Variants in FAM107B observed in about 807,000 individuals in gnomAD.
FAM107B encodes the protein family with sequence similarity 107 member B.
In FAM107B, 21 loss-of-function variants were observed where a neutral mutation model predicts 31.5. That is an observed-to-expected ratio of 0.67 (90% CI 0.47 to 0.96). FAM107B has a LOEUF of 0.96. FAM107B is among the 40% of genes least tolerant of loss of function. The probability of loss-of-function intolerance (pLI) is 0.00; values close to 1 mark genes in which losing one functional copy is unlikely to be tolerated. For synonymous variants in FAM107B, 157 were observed against 141.5 expected (o/e 1.11, Z -0.78); for missense variants, 452 against 377.1 (o/e 1.20, Z -1.64).
intron 1 of FAM107B, among the ~76,000 whole-genome samples, chr10:14,766,319 C>G (rs530660358): frequency 2.0e-5 from 3 of 152,248 alleles, no homozygotes; most frequent in African/African-American, 7.2e-5. Context: ...ACAAGGAGAG[C>G]AAAGGAAAAG....
chr10:14,619,687 G>A (rs1405112844), intron 2 of FAM107B, among the ~76,000 whole-genome samples: 5 of 93,538 alleles, frequency 5.3e-5, no homozygotes, highest in African/African-American at 1.2e-4. Context: ...CTTCTTTTAC[G>A]ATTTGTGTTT....
chr10:14,671,884 ACAAAAAAAC>A lies in FAM107B; in HGVS notation c.412-4202_412-4194del, dbSNP rs1206045656. 9.7e-4 allele frequency among the ~76,000 whole-genome samples: 78 copies of A among 80,162 alleles called. 2 individuals carry two copies. Among genetic ancestry groups the A allele is most frequent in the African/African-American group, 3.7e-3 (70 of 19,080 alleles). The allele number at this position is 80,162 out of a possible 152,430, so 52.6% of individuals were successfully genotyped here. On this transcript the variant is annotated intron_variant, in intron 1 of 4. Transcript: ENST00000181796. The stretch of plus-strand genomic sequence containing the variant: ...ACTCCCTTTTATTTAAAAAAAAAAA[ACAAAAAAAC>A]AAAAAAAAAACCCTCTATTTCTTTT...
chr10:14,695,222 A>G (rs894158876), intron 1 of FAM107B, among the ~76,000 whole-genome samples: 2 of 152,134 alleles, frequency 1.3e-5, no homozygotes, highest in Non-Finnish European at 2.9e-5. Flanking sequence ...GCATGTGGAA[A>G]TCCAGTTTTT....
intron 2 of FAM107B, among the ~76,000 whole-genome samples, chr10:14,647,912 T>A (rs943954240): frequency 6.6e-6 from 1 of 151,890 alleles, no homozygotes; most frequent in East Asian, 1.9e-4. Context: ...CAAATATGTA[T>A]TGAGATGCTG....
At chr10:14,589,469 T>C (rs1373514652) in intron 2 of FAM107B, among the ~76,000 whole-genome samples, 7 of 152,214 alleles carry the variant, frequency 4.6e-5, no homozygotes, top group Admixed American at 3.9e-4. Context: ...TTTAAAAATA[T>C]AGATTTTAAG....
At position 14,599,126 on chromosome 10, in the gene FAM107B, G is replaced by A. The variant is rs548516728; in HGVS notation, c.469+68508C>T. 3.0e-4 allele frequency among the ~76,000 whole-genome samples: 46 copies of A among 152,316 alleles called. 1 individual carries two copies. The highest frequency in any genetic ancestry group is 1.0e-3 in the African/African-American group (42 of 41,568). ...CCTCTAACCTCATGCACCTAAACCT[G>A]CCATGGTCGGAAGAGCCAGTCTGCA... is the stretch of plus-strand genomic sequence containing the variant. On this transcript the variant is annotated intron_variant, in intron 2 of 4. Coordinates refer to ENST00000181796, the MANE Select transcript of FAM107B (RefSeq NM_031453.4).
chr10:14,664,056 T>A (rs1316329367), intron 2 of FAM107B, among the ~76,000 whole-genome samples: 1 of 152,190 alleles, frequency 6.6e-6, no homozygotes, highest in South Asian at 2.1e-4. Flanking sequence ...TGGTGCATTC[T>A]CTTGAAAAAC....
chr10:14,728,295 C>G (rs1856082427), intron 1 of FAM107B, among the ~76,000 whole-genome samples: 1 of 151,840 alleles, frequency 6.6e-6, no homozygotes, highest in African/African-American at 2.4e-5. Context: ...AACGATCTTT[C>G]TCCCATTTTG....
At chr10:14,759,246 C>T (rs999168818) in intron 1 of FAM107B, among the ~76,000 whole-genome samples, 1 of 152,002 alleles carries the variant, frequency 6.6e-6, no homozygotes, top group Non-Finnish European at 1.5e-5. Context: ...GTCTGGGCTG[C>T]TGACATGCAT....
intron 1 of FAM107B, among the ~76,000 whole-genome samples, chr10:14,686,171 T>G (rs1471020553): frequency 1.3e-5 from 2 of 152,006 alleles, no homozygotes; most frequent in Non-Finnish European, 2.9e-5. Flanking sequence ...GGCAGATCAC[T>G]TGAGGTCAGG....
Position 14,723,839 on chromosome 10 carries a change from C to T in FAM107B, c.411+50414G>A, listed in dbSNP as rs1855969461. 6.6e-6 allele frequency: 5 copies of T among 756,418 alleles called. No homozygotes were observed. The South Asian group carries it at 6.7e-5, about 10-fold the overall frequency. The allele number at this position is 756,418 out of a possible 1,614,324, so 46.9% of individuals were successfully genotyped here. On this transcript the variant is annotated intron_variant, in intron 1 of 4. Coordinates refer to ENST00000181796, the MANE Select transcript of FAM107B (RefSeq NM_031453.4). Reference sequence around the variant, plus strand: ...TACCTGGAGGACATGACACTGACATCAGCAGGGTTTTCAATGGCAACAACG... The same window carrying T: ...TACCTGGAGGACATGACACTGACATTAGCAGGGTTTTCAATGGCAACAACG...
chr10:14,693,132 A>T (rs866288860), intron 1 of FAM107B, among the ~76,000 whole-genome samples: 1 of 152,202 alleles, frequency 6.6e-6, no homozygotes. Flanking sequence ...CTAACTTTCA[A>T]TTAGTCTACC....
At chr10:14,544,977 G>A (rs1162584908) in intron 2 of FAM107B, among the ~76,000 whole-genome samples, 3 of 152,128 alleles carry the variant, frequency 2.0e-5, no homozygotes, top group Non-Finnish European at 2.9e-5. Flanking sequence ...CCGAGGCATC[G>A]GCACCATCAT....
chr10:14,593,784 A>C (rs974743508), intron 2 of FAM107B, among the ~76,000 whole-genome samples: 1 of 152,224 alleles, frequency 6.6e-6, no homozygotes, highest in African/African-American at 2.4e-5. Flanking sequence ...GGTGTTTAAA[A>C]TCTTTTCCAA....
chr10:14,593,384 C>T (rs999665563), intron 2 of FAM107B, among the ~76,000 whole-genome samples: 17 of 152,096 alleles, frequency 1.1e-4, no homozygotes, highest in Non-Finnish European at 2.5e-4. Context: ...CCCAGTGTAA[C>T]ACTAATTCTT....
At chr10:14,548,124 C>T (rs924767090) in intron 2 of FAM107B, among the ~76,000 whole-genome samples, 1 of 152,228 alleles carries the variant, frequency 6.6e-6, no homozygotes, top group Non-Finnish European at 1.5e-5. Flanking sequence ...CCACAGCGCT[C>T]GCTGGTTGAG....
At chr10:14,658,249 G>C (rs565790400) in intron 2 of FAM107B, among the ~76,000 whole-genome samples, 1 of 152,306 alleles carries the variant, frequency 6.6e-6, no homozygotes, top group African/African-American at 2.4e-5. Flanking sequence ...TAGAGGTCAG[G>C]TCTTCACTGA....
intron 1 of FAM107B, among the ~76,000 whole-genome samples, chr10:14,773,335 A>G (rs1420661736): frequency 6.6e-6 from 1 of 152,230 alleles, no homozygotes; most frequent in African/African-American, 2.4e-5. Context: ...CAGACCAAAA[A>G]ATAATTTGTT....
intron 3 of FAM107B, among the ~76,000 whole-genome samples, chr10:14,525,541 A>G (rs1316263525): frequency 6.6e-6 from 1 of 152,174 alleles, no homozygotes; most frequent in Non-Finnish European, 1.5e-5. Context: ...AAATTATGCA[A>G]AGTAGAGACC....
Sources: allele counts gnomAD v4.1 joint callset (sites outside exome capture counted in the v4.1 genomes callset), GRCh38; gene constraint gnomAD v4.1.1; transcripts MANE v1.5; gene names NCBI Gene and HGNC (gene_info 2026-07-23, HGNC 2026-07-21).